The following ADGRL3 variants were observed in gnomAD, a reference collection of about 807,000 sequenced individuals.
The protein encoded by ADGRL3 is adhesion G protein-coupled receptor L3, also known as calcium-independent alpha-latrotoxin receptor 3.
ADGRL3 carries 62 observed loss-of-function variants against 153.5 expected under a neutral mutation model. The observed-to-expected ratio is 0.40, with a 90% CI of 0.33 to 0.50. ADGRL3 has a LOEUF of 0.50. ADGRL3 is among the 20% of genes least tolerant of loss of function. The pLI is 0.47. For synonymous variants in ADGRL3, 710 were observed against 672.5 expected, an observed-to-expected ratio of 1.06 and a Z score of -0.86; for missense variants, 1,641 against 1,859.4, an observed-to-expected ratio of 0.88 and a Z score of 2.16.
intron 13 of ADGRL3, among the ~76,000 whole-genome samples, chr4:61,915,448 C>T (rs192166569): frequency 2.6e-5 from 4 of 151,892 alleles, no homozygotes; most frequent in African/African-American, 9.6e-5. Context: ...TGATTGCAAT[C>T]TATGCTATCC....
intron 2 of ADGRL3, among the ~76,000 whole-genome samples, chr4:61,424,599 G>A (rs1362484827): frequency 6.6e-6 from 1 of 152,120 alleles, no homozygotes; most frequent in East Asian, 1.9e-4. Flanking sequence ...ATTATGTTTT[G>A]TTGATTTTCT....
At chr4:61,586,565 A>G (rs1275524758) in intron 4 of ADGRL3, among the ~76,000 whole-genome samples, 1 of 152,080 alleles carries the variant, frequency 6.6e-6, no homozygotes, top group Non-Finnish European at 1.5e-5. Context: ...GGGAGAACAC[A>G]CACATGTCTG....
intron 1 of ADGRL3, among the ~76,000 whole-genome samples, chr4:61,268,050 C>T (rs541343876): frequency 2.7e-4 from 41 of 151,670 alleles, no homozygotes; most frequent in Admixed American, 8.6e-4. Context: ...CATTGGCCAA[C>T]GTGCCATTTT....
chr4:61,998,278 TA>T lies in ADGRL3; in HGVS notation c.3395+14del. On this transcript the variant is annotated intron_variant, in intron 21 of 26. Coordinates refer to ENST00000683033, the MANE Select transcript of ADGRL3 (RefSeq NM_001387552.1). The stretch of plus-strand genomic sequence containing the variant: ...TTGATAACATCAAGTAAGTGATTTT[TA>T]TTTTTGTTTTCTATAGGTTGTGTTA... 2.1e-6 allele frequency: 3 copies of T among 1,435,294 alleles called. No individual in the cohort carries two copies. The highest frequency in any genetic ancestry group is 2.6e-5 in the South Asian group (2 of 77,626). The allele number at this position is 1,435,294 out of a possible 1,614,324, so 88.9% of individuals were successfully genotyped here. A position where few individuals can be genotyped will look rare whatever the true frequency, so the allele number is the denominator to read the frequency against.
chr4:62,006,965 G>T (rs1471911654), intron 21 of ADGRL3, among the ~76,000 whole-genome samples: 1 of 152,060 alleles, frequency 6.6e-6, no homozygotes, highest in East Asian at 1.9e-4. Flanking sequence ...AAGTGTTCTA[G>T]AGTTGGTTCA....
At position 61,699,468 on chromosome 4, in the gene ADGRL3, G is replaced by T. The variant is rs968018853; in HGVS notation, c.583+22533G>T. 5.9e-5 allele frequency among the ~76,000 whole-genome samples: 9 copies of T among 152,130 alleles called. 1 individual carries two copies. The highest frequency in any genetic ancestry group is 5.9e-4 in the Admixed American group (9 of 15,268). On this transcript the variant is annotated intron_variant, in intron 6 of 26. Transcript: ENST00000683033. ...CAAAATAAAATAAGATGAAGTTAGG[G>T]AGAAAGACACATGGCTCAGATCTTG...
At chr4:61,442,585 G>T (rs993305963) in intron 2 of ADGRL3, among the ~76,000 whole-genome samples, 3 of 152,104 alleles carry the variant, frequency 2.0e-5, no homozygotes, top group Admixed American at 2.0e-4. Context: ...GAAGAAGGCA[G>T]TTATGAGGAG....
At position 62,006,033 on chromosome 4, in the gene ADGRL3, T is replaced by TATA. The variant is rs1491468575; in HGVS notation, c.3395+7768_3395+7769insATA. ...ATATATATATATATATATATATATA[T>TATA]TTTTTTTTTTTTTTGAGAAAGGGTT... On this transcript the variant is annotated intron_variant, in intron 21 of 26. Transcript: ENST00000683033. Among the ~76,000 whole-genome samples, 280 of 43,594 alleles carry TATA rather than the reference T, an allele frequency of 6.4e-3. 1 individual carries two copies. Among genetic ancestry groups the TATA allele is most frequent in the South Asian group, 0.013 (14 of 1,076 alleles). 28.6% of individuals were successfully genotyped at this position (43,594 alleles called of 152,430 possible). A position where few individuals can be genotyped will look rare whatever the true frequency, so the allele number is the denominator to read the frequency against.
chr4:61,989,365 T>G (rs986145259), intron 19 of ADGRL3, among the ~76,000 whole-genome samples: 3 of 152,102 alleles, frequency 2.0e-5, no homozygotes, highest in Admixed American at 2.0e-4. Flanking sequence ...AGCATTTACC[T>G]TGCTGTAATG....
intron 8 of ADGRL3, among the ~76,000 whole-genome samples, chr4:61,767,200 A>G (rs183013934): frequency 0.011 from 1,615 of 151,938 alleles, 26 homozygotes; most frequent in Admixed American, 0.038. Flanking sequence ...TGGGAAGAAG[A>G]GCAGCAATGA....
At chr4:61,371,394 C>G (rs1436609491) in intron 1 of ADGRL3, among the ~76,000 whole-genome samples, 7 of 151,846 alleles carry the variant, frequency 4.6e-5, no homozygotes, top group Non-Finnish European at 1.0e-4. Context: ...ATGTGTAGCG[C>G]TTCCTTCAGG....
chr4:61,379,730 A>G (rs1578539525), intron 1 of ADGRL3, among the ~76,000 whole-genome samples: 2 of 152,070 alleles, frequency 1.3e-5, no homozygotes, highest in East Asian at 3.8e-4. Flanking sequence ...TCTTAATTCC[A>G]CATTAATTTA....
chr4:61,545,339 G>A (rs1374885908), intron 4 of ADGRL3, among the ~76,000 whole-genome samples: 2 of 152,162 alleles, frequency 1.3e-5, no homozygotes, highest in Non-Finnish European at 2.9e-5. Context: ...GCAGGAAAAA[G>A]TAGAAGCTGG....
At chr4:61,494,592 C>T in intron 2 of ADGRL3, among the ~76,000 whole-genome samples, 1 of 152,114 alleles carries the variant, frequency 6.6e-6, no homozygotes, top group East Asian at 1.9e-4. Context: ...TTCAGGTTTT[C>T]TTGTGAGTCA....
chr4:61,202,393 T>C lies in ADGRL3; in HGVS notation c.-240+628T>C, dbSNP rs1577836674. ...CCCGCGCCCTGCCTGTTGTGTCTCC[T>C]TCACGGCAGTTTGGTTTAGACCTGC... On this transcript the variant is annotated intron_variant, in intron 1 of 26. Transcript: ENST00000683033. The surrounding 1 kb of genome is among the most constrained non-coding windows in gnomAD (Gnocchi z 5.0). 6.6e-6 allele frequency among the ~76,000 whole-genome samples: 1 copy of C among 152,202 alleles called. No individual in the cohort carries two copies. Among genetic ancestry groups the C allele is most frequent in the African/African-American group, 2.4e-5 (1 of 41,456 alleles).
intron 1 of ADGRL3, among the ~76,000 whole-genome samples, chr4:61,352,237 G>T (rs1479659137): frequency 6.6e-6 from 1 of 152,202 alleles, no homozygotes; most frequent in Non-Finnish European, 1.5e-5. Flanking sequence ...AGATGTTACT[G>T]AATTGCTACA....
chr4:61,897,268 C>T (rs2098637116), intron 11 of ADGRL3, among the ~76,000 whole-genome samples: 1 of 152,080 alleles, frequency 6.6e-6, no homozygotes, highest in Non-Finnish European at 1.5e-5. Flanking sequence ...TATATTTAAA[C>T]TTAAAGAACT....
At chr4:62,026,679 G>A (rs773221355) in intron 21 of ADGRL3, among the ~76,000 whole-genome samples, 5 of 152,004 alleles carry the variant, frequency 3.3e-5, no homozygotes, top group Non-Finnish European at 5.9e-5. Context: ...ATGTAGGTCA[G>A]AGGAAACAAA....
intron 9 of ADGRL3, among the ~76,000 whole-genome samples, chr4:61,822,989 G>C (rs1362846751): frequency 6.6e-6 from 1 of 152,104 alleles, no homozygotes; most frequent in Non-Finnish European, 1.5e-5. Context: ...TTCTCCCCTT[G>C]ATCACTGTTC....
Sources: allele counts gnomAD v4.1 joint callset (sites outside exome capture counted in the v4.1 genomes callset), GRCh38; gene constraint gnomAD v4.1.1; non-coding constraint Gnocchi (gnomAD v3.1); transcripts MANE v1.5; gene names NCBI Gene and HGNC (gene_info 2026-07-23, HGNC 2026-07-21).